ATP9A: variants seen among roughly 807,000 people sequenced by gnomAD.
The protein encoded by ATP9A is ATPase phospholipid transporting 9A, also known as probable phospholipid-transporting ATPase IIA.
Under a neutral mutation model 144.1 loss-of-function variants are expected in ATP9A, and 52 were observed. The ratio of observed to expected loss-of-function variants is 0.36; its 90% CI spans 0.29 to 0.45. The LOEUF (loss-of-function observed/expected upper bound fraction) is 0.45, where lower values mean the gene tolerates loss of function less well. ATP9A is among the 20% of genes least tolerant of loss of function. The probability of loss-of-function intolerance (pLI) is 1.00; values close to 1 mark genes in which losing one functional copy is unlikely to be tolerated. For synonymous variants in ATP9A, 582 were observed against 557.4 expected, an observed-to-expected ratio of 1.04 and a Z score of -0.62; for missense variants, 947 against 1,392.7, an observed-to-expected ratio of 0.68 and a Z score of 5.09.
intron 9 of ATP9A, among the ~76,000 whole-genome samples, chr20:51,681,983 G>T (rs2077501855): frequency 6.6e-6 from 1 of 152,114 alleles, no homozygotes; most frequent in South Asian, 2.1e-4. Context: ...GTGTGGGGCA[G>T]CTAGAAGGGA....
chr20:51,676,962 C>G (rs1001794460), intron 9 of ATP9A, among the ~76,000 whole-genome samples: 3 of 110,962 alleles, frequency 2.7e-5, no homozygotes, highest in Non-Finnish European at 5.1e-5. Context: ...GGGTCTTACT[C>G]TGTTGCCCAG....
chr20:51,764,801 A>C (rs1157134813), intron 1 of ATP9A, among the ~76,000 whole-genome samples: 1 of 151,990 alleles, frequency 6.6e-6, no homozygotes, highest in Non-Finnish European at 1.5e-5. Flanking sequence ...GACTCACCGC[A>C]ACCTCCACAT....
chr20:51,666,678 T>TAA (rs1568811077), intron 13 of ATP9A, among the ~76,000 whole-genome samples: 2 of 84,612 alleles, frequency 2.4e-5, no homozygotes, highest in African/African-American at 9.7e-5. Flanking sequence ...AGACTGTGTC[T>TAA]TAAAAAAAAA....
chr20:51,628,908 C>G (rs1256130621), intron 16 of ATP9A, 72 bp downstream of exon 16: 1 of 1,334,868 alleles, frequency 7.5e-7, no homozygotes, highest in Non-Finnish European at 1.1e-6. Flanking sequence ...AGAGACCCAC[C>G]TTACCATGCA....
intron 15 of ATP9A, among the ~76,000 whole-genome samples, chr20:51,632,893 C>T (rs1171266713): frequency 6.6e-6 from 1 of 152,130 alleles, no homozygotes. Flanking sequence ...GGGGCCGAGG[C>T]TGGTGGATCA....
intron 9 of ATP9A, among the ~76,000 whole-genome samples, chr20:51,686,924 C>T (rs2077525605): frequency 9.7e-6 from 1 of 103,354 alleles, no homozygotes; most frequent in Admixed American, 9.5e-5. Context: ...CACAGAGGGA[C>T]TCTTTTTTTT....
chr20:51,752,540 A>T (rs539925117), intron 1 of ATP9A, among the ~76,000 whole-genome samples: 2 of 152,366 alleles, frequency 1.3e-5, no homozygotes, highest in South Asian at 4.1e-4. Context: ...TTCATGCTAT[A>T]AACCTCTGTT....
intron 10 of ATP9A, among the ~76,000 whole-genome samples, chr20:51,674,767 GGGCGCACAC>G (rs1157616242): frequency 2.0e-5 from 3 of 152,046 alleles, no homozygotes; most frequent in Non-Finnish European, 2.9e-5. Flanking sequence ...TGAAAGTCTG[GGGCGCACAC>G]CAGTGGTGGC....
At chr20:51,762,453 C>T (rs1050484700) in intron 1 of ATP9A, among the ~76,000 whole-genome samples, 1 of 150,846 alleles carries the variant, frequency 6.6e-6, no homozygotes, top group African/African-American at 2.4e-5. Flanking sequence ...CAAGATCACA[C>T]CACTGCACTC....
intron 14 of ATP9A, among the ~76,000 whole-genome samples, chr20:51,650,919 A>ACG (rs2077361432): frequency 1.3e-5 from 2 of 151,374 alleles, no homozygotes; most frequent in South Asian, 2.1e-4. Flanking sequence ...ACACACACAC[A>ACG]CACGTATACC....
At chr20:51,745,648 A>G (rs556098924) in intron 1 of ATP9A, among the ~76,000 whole-genome samples, 1 of 152,054 alleles carries the variant, frequency 6.6e-6, no homozygotes, top group Non-Finnish European at 1.5e-5. Context: ...ACCCCCCACC[A>G]GAGAGTGTAA....
At chr20:51,676,295 G>C in intron 9 of ATP9A, 87 bp from the exon 10 acceptor site, 1 of 1,033,114 alleles carries the variant, frequency 9.7e-7, no homozygotes, top group Non-Finnish European at 1.4e-6. Flanking sequence ...TGATCCTCTT[G>C]AGAGACTGGG....
At position 51,758,500 on chromosome 20, in the gene ATP9A, G is replaced by A. The variant is rs534534192; in HGVS notation, c.68+9802C>T. On this transcript the variant is annotated intron_variant, in intron 1 of 27. Transcript: ENST00000338821. ...AAGGGACAAAAGTCCAAAGATGGCC[G>A]GTTCCATGCCTTGCCTCCTTTTTCC... Among the ~76,000 whole-genome samples, 126 of 152,262 alleles carry A rather than the reference G, an allele frequency of 8.3e-4. 1 individual carries two copies. Among genetic ancestry groups the A allele is most frequent in the African/African-American group, 2.9e-3 (121 of 41,558 alleles).
intron 3 of ATP9A, among the ~76,000 whole-genome samples, chr20:51,719,461 G>A (rs189048898): frequency 6.3e-4 from 95 of 151,956 alleles, no homozygotes; most frequent in Admixed American, 4.1e-3. Flanking sequence ...TGGGCCAGGC[G>A]CAGTGGCTCA....
chr20:51,614,868 T>A (rs2077197087), intron 22 of ATP9A, among the ~76,000 whole-genome samples: 1 of 152,162 alleles, frequency 6.6e-6, no homozygotes, highest in Non-Finnish European at 1.5e-5. Context: ...AAACGTGTTC[T>A]ACAATAAAGA....
In ATP9A at chr20:51,600,155, A is replaced by G. The variant is rs565805368; in HGVS notation, c.*1056T>C. ...GGGGTTCCTTGTTCTGAAAGCTGCC[A>G]CCAGTGTTGTTCCGAAAGATGCCTC... On this transcript the variant is annotated 3_prime_UTR_variant, in exon 28 of 28. Coordinates refer to ENST00000338821, the MANE Select transcript of ATP9A (RefSeq NM_006045.3). The G allele has an allele frequency of 6.6e-6, 1 of 152,280 alleles. No homozygotes were observed. Among genetic ancestry groups the G allele is most frequent in the East Asian group, 1.9e-4 (1 of 5,174 alleles). 9.4% of individuals were successfully genotyped at this position (152,280 alleles called of 1,614,324 possible).
chr20:51,654,284 C>T (rs995259398), intron 14 of ATP9A, among the ~76,000 whole-genome samples: 4 of 152,006 alleles, frequency 2.6e-5, no homozygotes, highest in Admixed American at 2.6e-4. Context: ...AATTCCACTG[C>T]CCAAAAAAGG....
At chr20:51,659,810 T>C (rs992878348) in intron 13 of ATP9A, among the ~76,000 whole-genome samples, 8 of 152,196 alleles carry the variant, frequency 5.3e-5, no homozygotes, top group African/African-American at 1.9e-4. Context: ...CCTCAGGTAA[T>C]TAGACAATTA....
chr20:51,645,224 C>A (rs1206449280), intron 14 of ATP9A, among the ~76,000 whole-genome samples: 2 of 152,176 alleles, frequency 1.3e-5, no homozygotes, highest in East Asian at 1.9e-4. Flanking sequence ...CCATCCTAAT[C>A]AAAACCTCTG....
Sources: allele counts gnomAD v4.1 joint callset (sites outside exome capture counted in the v4.1 genomes callset), GRCh38; gene constraint gnomAD v4.1.1; transcripts MANE v1.5; gene names NCBI Gene and HGNC (gene_info 2026-07-23, HGNC 2026-07-21).